Variants in SLIT1 observed in about 807,000 individuals in gnomAD.
The protein encoded by SLIT1 is slit guidance ligand 1.
SLIT1 carries 66 observed loss-of-function variants against 186.1 expected under a neutral mutation model. That is an observed-to-expected ratio of 0.35 (90% CI 0.29 to 0.44). The LOEUF (loss-of-function observed/expected upper bound fraction) is 0.44, where lower values mean the gene tolerates loss of function less well. Ranked by LOEUF, SLIT1 falls within the 20% of genes least tolerant of loss-of-function variation. The pLI is 1.00. For missense variants in SLIT1, 1,638 were observed against 2,037.4 expected (o/e 0.80, Z 3.77); for synonymous variants, 761 against 833.8 (o/e 0.91, Z 1.50).
At chr10:97,163,653 C>T (rs1850062515) in intron 2 of SLIT1, among the ~76,000 whole-genome samples, 1 of 152,262 alleles carries the variant, frequency 6.6e-6, no homozygotes, top group South Asian at 2.1e-4. Context: ...AAATTTCCCA[C>T]CATGGGCTCC....
At chr10:97,063,813 T>G (rs1038183921) in intron 7 of SLIT1, among the ~76,000 whole-genome samples, 195 bp from the exon 8 acceptor site, 2 of 151,520 alleles carry the variant, frequency 1.3e-5, no homozygotes, top group Non-Finnish European at 2.9e-5. Context: ...CTGCTGCCCC[T>G]CCCCTCCCAC....
At chr10:97,001,420 C>T in intron 36 of SLIT1, 70 bp from the exon 37 acceptor site, 1 of 1,230,096 alleles carries the variant, frequency 8.1e-7, no homozygotes, top group Non-Finnish European at 1.2e-6. Flanking sequence ...TCCAGGGAGG[C>T]AGGAGGAAGA....
At chr10:97,110,623 T>A (rs1054732110) in intron 4 of SLIT1, among the ~76,000 whole-genome samples, 3 of 152,204 alleles carry the variant, frequency 2.0e-5, no homozygotes, top group African/African-American at 7.2e-5. Context: ...AAGCAAAAGT[T>A]AAGCTAAGGC....
chr10:97,041,726 C>T (rs2134620615), intron 20 of SLIT1, among the ~76,000 whole-genome samples: 1 of 152,296 alleles, frequency 6.6e-6, no homozygotes, highest in African/African-American at 2.4e-5. Flanking sequence ...CCGCCTCGGC[C>T]TCCCAAAGTG....
chr10:97,179,263 A>T (rs1227695732), intron 1 of SLIT1, among the ~76,000 whole-genome samples: 1 of 152,142 alleles, frequency 6.6e-6, no homozygotes, highest in Non-Finnish European at 1.5e-5. Context: ...AGCTTTCCCT[A>T]GCATTAACCT....
intron 22 of SLIT1, among the ~76,000 whole-genome samples, chr10:97,034,977 C>T (rs1472395980): frequency 6.6e-6 from 1 of 152,162 alleles, no homozygotes; most frequent in African/African-American, 2.4e-5. Context: ...TGACAAAGAC[C>T]CAGAGTCTCA....
At chr10:97,150,787 T>G (rs577834138) in intron 4 of SLIT1, among the ~76,000 whole-genome samples, 1 of 152,140 alleles carries the variant, frequency 6.6e-6, no homozygotes, top group African/African-American at 2.4e-5. Flanking sequence ...GCATGCGTGG[T>G]GGGCGGACAC....
intron 4 of SLIT1, among the ~76,000 whole-genome samples, chr10:97,111,229 C>T (rs1383804088): frequency 6.6e-6 from 1 of 151,830 alleles, no homozygotes; most frequent in Non-Finnish European, 1.5e-5. Context: ...AGGGCTGACC[C>T]TAATATAGGT....
chr10:97,180,820 G>A (rs1025667365), intron 1 of SLIT1, among the ~76,000 whole-genome samples: 2 of 152,212 alleles, frequency 1.3e-5, no homozygotes, highest in African/African-American at 4.8e-5. Context: ...CTTACCTCCC[G>A]AGCTCTCTTC....
intron 13 of SLIT1, among the ~76,000 whole-genome samples, chr10:97,049,449 G>A (rs902018513): frequency 6.6e-6 from 1 of 152,204 alleles, no homozygotes; most frequent in African/African-American, 2.4e-5. Context: ...AGCACGAGCG[G>A]AGACAGGAAG....
At chr10:97,034,333 T>A in intron 23 of SLIT1, 138 bp downstream of exon 23, 1 of 710,686 alleles carries the variant, frequency 1.4e-6, no homozygotes, top group East Asian at 2.5e-5. Flanking sequence ...TCTTTTAGGC[T>A]CTCAGGCCCG....
chr10:97,056,513 GACCC>G, intron 12 of SLIT1, 49 bp from the exon 13 acceptor site: 1 of 1,601,392 alleles, frequency 6.2e-7, no homozygotes, highest in Non-Finnish European at 8.5e-7. Flanking sequence ...CTCGACCTGA[GACCC>G]ATCTCAGGTC....
At position 97,043,109 on chromosome 10, in the gene SLIT1, C is replaced by T. The variant is rs1303486538; in HGVS notation, c.1998-42G>A. ...AGGCGGCCATGGAGACACTCTGCCCCTCTCAGAGGTCCCAGCAAACCCCTC... is the reference window on the plus strand; with the variant it reads ...AGGCGGCCATGGAGACACTCTGCCCTTCTCAGAGGTCCCAGCAAACCCCTC... On this transcript the variant is annotated intron_variant, in intron 19 of 36. Transcript: ENST00000266058. The surrounding 1 kb of genome is among the most constrained non-coding windows in gnomAD (Gnocchi z 7.0). 3.1e-6 allele frequency: 5 copies of T among 1,594,518 alleles called. No homozygotes were observed. In the South Asian group the frequency reaches 5.7e-5, roughly 18 times the overall value.
At chr10:97,072,668 T>C (rs1404338002) in intron 4 of SLIT1, among the ~76,000 whole-genome samples, 1 of 152,102 alleles carries the variant, frequency 6.6e-6, no homozygotes, top group Non-Finnish European at 1.5e-5. Flanking sequence ...GAAAGTGAAT[T>C]TGGGGCCCCA....
At chr10:97,139,769 C>G (rs1849739535) in intron 4 of SLIT1, among the ~76,000 whole-genome samples, 1 of 152,192 alleles carries the variant, frequency 6.6e-6, no homozygotes, top group Non-Finnish European at 1.5e-5. Context: ...AAAACCCTAT[C>G]TTTGGGTCCC....
At chr10:97,050,073 A>G (rs1359788071) in intron 13 of SLIT1, among the ~76,000 whole-genome samples, 4 of 152,158 alleles carry the variant, frequency 2.6e-5, no homozygotes, top group African/African-American at 9.7e-5. Context: ...GCTTGAACCC[A>G]GGGAGCAGAG....
At position 97,185,796 on chromosome 10, in the gene SLIT1, C is replaced by G. The variant is rs1420924406; in HGVS notation, c.-122G>C. ...ACCGAAGAGCCCGCGGGCTTGCGCG[C>G]GGCGCCCCTGCGGGCTGGGAGGCAC... On this transcript the variant is annotated 5_prime_UTR_variant, in exon 1 of 37. Coordinates refer to ENST00000266058, the MANE Select transcript of SLIT1 (RefSeq NM_003061.3). 3.4e-6 allele frequency: 3 copies of G among 885,610 alleles called. No individual in the cohort carries two copies. In the African/African-American group the frequency reaches 5.4e-5, roughly 16 times the overall value. The allele number at this position is 885,610 out of a possible 1,614,324, so 54.9% of individuals were successfully genotyped here. A position where few individuals can be genotyped will look rare whatever the true frequency, so the allele number is the denominator to read the frequency against.
intron 4 of SLIT1, among the ~76,000 whole-genome samples, chr10:97,141,706 T>C (rs56350712): frequency 0.023 from 1,752 of 75,058 alleles, 21 homozygotes; most frequent in African/African-American, 0.13. Context: ...CGTATCGTAT[T>C]GTATTGTACT....
intron 21 of SLIT1, among the ~76,000 whole-genome samples, chr10:97,039,241 G>A (rs143834579): frequency 2.1e-4 from 32 of 152,336 alleles, no homozygotes; most frequent in Non-Finnish European, 4.1e-4. Context: ...GAGGTCAGGA[G>A]CTGGCCAGAG....
Sources: gnomAD v4.1 joint callset for allele counts (sites outside exome capture counted in the v4.1 genomes callset) on GRCh38, gnomAD v4.1.1 for gene constraint, Gnocchi (gnomAD v3.1) non-coding constraint, MANE v1.5 for transcripts, NCBI Gene and HGNC (gene_info 2026-07-23, HGNC 2026-07-21) for gene names.